The following VRK2 variants were observed in gnomAD, a reference collection of about 807,000 sequenced individuals.
The protein encoded by VRK2 is VRK serine/threonine kinase 2, also known as serine/threonine-protein kinase VRK2.
In VRK2, 60 loss-of-function variants were observed where a neutral mutation model predicts 57.6. That is an observed-to-expected ratio of 1.04 (90% CI 0.85 to 1.29). The LOEUF is 1.29. Ranked by LOEUF, VRK2 falls within the 50% of genes most tolerant of loss-of-function variation. VRK2 has a pLI of 0.00. For synonymous variants in VRK2, 231 were observed against 199.2 expected (o/e 1.16, Z -1.35); for missense variants, 705 against 588.1 (o/e 1.20, Z -2.06).
chr2:57,992,955 A>G lies in VRK2; in HGVS notation c.-438-32710A>G, dbSNP rs148472113. Among the ~76,000 whole-genome samples, 290 of 152,274 alleles carry G rather than the reference A, an allele frequency of 1.9e-3. 1 individual carries two copies. Among genetic ancestry groups the G allele is most frequent in the African/African-American group, 6.6e-3 (274 of 41,550 alleles). ...CATTCTGATTTCATTTCTGACACCA[A>G]TTCTCTTGGGTAAAGTTTTTCAACT... On this transcript the variant is annotated intron_variant, in intron 1 of 15. Transcript: ENST00000417641.
intron 1 of VRK2, among the ~76,000 whole-genome samples, chr2:57,913,318 C>G (rs991848562): frequency 6.6e-6 from 1 of 152,188 alleles, no homozygotes; most frequent in Non-Finnish European, 1.5e-5. Context: ...ATAGGGATTA[C>G]GTAAAGGTTA....
intron 12 of VRK2, among the ~76,000 whole-genome samples, chr2:58,154,346 C>T (rs984856861): frequency 9.9e-5 from 15 of 151,302 alleles, no homozygotes; most frequent in Middle Eastern, 3.4e-3. Flanking sequence ...CTTTTTTTGA[C>T]AAATATAATT....
chr2:58,085,596 A>G (rs1229709324), intron 4 of VRK2, among the ~76,000 whole-genome samples: 2 of 152,118 alleles, frequency 1.3e-5, no homozygotes, highest in South Asian at 2.1e-4. Context: ...CTGTATAGTC[A>G]AGGTCCTTTA....
chr2:58,121,642 T>G (rs1248638659), intron 7 of VRK2, among the ~76,000 whole-genome samples: 1 of 152,214 alleles, frequency 6.6e-6, no homozygotes, highest in African/African-American at 2.4e-5. Flanking sequence ...TTACTGAGCC[T>G]ATCCTAAAAC....
chr2:58,073,461 T>A (rs545282283), intron 2 of VRK2, among the ~76,000 whole-genome samples: 1 of 151,956 alleles, frequency 6.6e-6, no homozygotes, highest in South Asian at 2.1e-4. Flanking sequence ...TTCTCTTAGT[T>A]TTCACCTCAT....
intron 2 of VRK2, among the ~76,000 whole-genome samples, chr2:58,032,795 T>G (rs143501527): frequency 1.7e-4 from 26 of 152,212 alleles, no homozygotes; most frequent in African/African-American, 6.3e-4. Flanking sequence ...AATGTGCAAG[T>G]GGGACATGCA....
intron 1 of VRK2, among the ~76,000 whole-genome samples, chr2:57,929,576 G>A (rs1670653307): frequency 6.6e-6 from 1 of 152,080 alleles, no homozygotes; most frequent in Admixed American, 6.6e-5. Context: ...GGTACCTAAG[G>A]TGGAAGACAA....
intron 1 of VRK2, among the ~76,000 whole-genome samples, chr2:58,013,605 C>T (rs1673478147): frequency 6.6e-6 from 1 of 152,180 alleles, no homozygotes; most frequent in Non-Finnish European, 1.5e-5. Flanking sequence ...GGCGCGGTGG[C>T]TCACGCCTGT....
chr2:57,966,730 ATAAC>A (rs1671929435), intron 1 of VRK2, among the ~76,000 whole-genome samples: 1 of 152,222 alleles, frequency 6.6e-6, no homozygotes, highest in Non-Finnish European at 1.5e-5. Context: ...TAAAATAAGA[ATAAC>A]AGTTATGAAT....
intron 2 of VRK2, among the ~76,000 whole-genome samples, chr2:58,071,064 A>G (rs1669298254): frequency 1.3e-5 from 2 of 152,064 alleles, no homozygotes; most frequent in Admixed American, 1.3e-4. Flanking sequence ...GTTATATATG[A>G]TGTTAAGCAT....
At chr2:58,087,027 A>G (rs1356422547) in intron 5 of VRK2, among the ~76,000 whole-genome samples, 1 of 152,244 alleles carries the variant, frequency 6.6e-6, no homozygotes, top group Non-Finnish European at 1.5e-5. Flanking sequence ...GAGAAGCACA[A>G]CAAATAAGTT....
At chr2:58,152,543 A>G (rs1683231046) in intron 12 of VRK2, among the ~76,000 whole-genome samples, 1 of 151,956 alleles carries the variant, frequency 6.6e-6, no homozygotes, top group African/African-American at 2.4e-5. Context: ...ATTTACAGTT[A>G]CTGAAATTCT....
At chr2:58,047,470 T>A (rs1215636762) in intron 1 of VRK2, 1 of 985,388 alleles carries the variant, frequency 1.0e-6, no homozygotes, top group Admixed American at 6.1e-5. Context: ...GCCCCCAGGA[T>A]GTACATTTCG....
intron 3 of VRK2, among the ~76,000 whole-genome samples, chr2:58,035,076 T>C (rs748690804): frequency 1.3e-5 from 2 of 152,154 alleles, no homozygotes; most frequent in South Asian, 2.1e-4. Flanking sequence ...TATGGGTACA[T>C]TGCTTTCCTA....
chr2:58,107,101 A>T (rs1042214525), intron 7 of VRK2, among the ~76,000 whole-genome samples: 3 of 152,060 alleles, frequency 2.0e-5, no homozygotes, highest in Non-Finnish European at 2.9e-5. Context: ...CATTTGTCAT[A>T]TAGTGGTTTC....
intron 1 of VRK2, among the ~76,000 whole-genome samples, chr2:57,928,815 A>G (rs1270285206): frequency 6.6e-6 from 1 of 152,226 alleles, no homozygotes; most frequent in African/African-American, 2.4e-5. Context: ...TCATAGAAGT[A>G]CTACCTTGGT....
At chr2:58,002,488 T>A (rs899451920) in intron 1 of VRK2, among the ~76,000 whole-genome samples, 1 of 151,984 alleles carries the variant, frequency 6.6e-6, no homozygotes, top group African/African-American at 2.4e-5. Context: ...AAAAAAAAAG[T>A]AAAATCAGTA....
chr2:57,911,061 C>G (rs1320768625), intron 1 of VRK2, among the ~76,000 whole-genome samples: 1 of 148,154 alleles, frequency 6.7e-6, no homozygotes, highest in Non-Finnish European at 1.5e-5. Flanking sequence ...TTAAACATTT[C>G]TCAACGGAGC....
Position 57,996,768 on chromosome 2 carries a change from A to C in VRK2, c.-438-28897A>C, listed in dbSNP as rs184685990. 1.5e-4 allele frequency among the ~76,000 whole-genome samples: 23 copies of C among 152,272 alleles called. No homozygotes were observed. The East Asian group carries it at 4.2e-3, about 28-fold the overall frequency. On this transcript the variant is annotated intron_variant, in intron 1 of 15. Transcript: ENST00000417641. ...TCTAAGATGTATAAGTCCCTTGTATAAAATGGCATGGTATTTGCATATAAC... is the reference window on the plus strand; with the variant it reads ...TCTAAGATGTATAAGTCCCTTGTATCAAATGGCATGGTATTTGCATATAAC...
Sources: allele counts gnomAD v4.1 joint callset (sites outside exome capture counted in the v4.1 genomes callset), GRCh38; gene constraint gnomAD v4.1.1; transcripts MANE v1.5; gene names NCBI Gene and HGNC (gene_info 2026-07-23, HGNC 2026-07-21).